The following SPHKAP variants were observed in gnomAD, a reference collection of about 807,000 sequenced individuals.
The protein encoded by SPHKAP is A-kinase anchor protein SPHKAP.
SPHKAP carries 67 observed loss-of-function variants against 137.5 expected under a neutral mutation model. That is an observed-to-expected ratio of 0.49 (90% CI 0.40 to 0.60). The LOEUF is 0.60. SPHKAP is among the 20% of genes least tolerant of loss of function. The probability of loss-of-function intolerance (pLI) is 0.00; values close to 1 mark genes in which losing one functional copy is unlikely to be tolerated. For synonymous variants in SPHKAP, 813 were observed against 785.3 expected, an observed-to-expected ratio of 1.04 and a Z score of -0.59; for missense variants, 2,097 against 2,069.3, an observed-to-expected ratio of 1.01 and a Z score of -0.26.
chr2:228,029,805 T>G (rs13389645), intron 3 of SPHKAP, among the ~76,000 whole-genome samples: 1 of 152,194 alleles, frequency 6.6e-6, no homozygotes, highest in Non-Finnish European at 1.5e-5. Context: ...CAGCTGGCAC[T>G]GGTGGTATTG....
At chr2:228,119,972 C>A (rs896037952) in intron 2 of SPHKAP, among the ~76,000 whole-genome samples, 1 of 151,944 alleles carries the variant, frequency 6.6e-6, no homozygotes, top group African/African-American at 2.4e-5. Context: ...TGCATTATAC[C>A]ATTGACACCT....
chr2:228,008,900 G>T (rs965948592), intron 7 of SPHKAP, among the ~76,000 whole-genome samples: 4 of 152,196 alleles, frequency 2.6e-5, no homozygotes, highest in African/African-American at 9.6e-5. Context: ...CATCATGTCA[G>T]GTAGTCTCAA....
chr2:228,172,753 C>A (rs1700622079), intron 1 of SPHKAP, among the ~76,000 whole-genome samples: 1 of 152,186 alleles, frequency 6.6e-6, no homozygotes, highest in South Asian at 2.1e-4. Context: ...TCCAATTCAA[C>A]CTCATTCTGA....
At chr2:227,990,145 C>T (rs1334986188) in intron 11 of SPHKAP, among the ~76,000 whole-genome samples, 1 of 152,202 alleles carries the variant, frequency 6.6e-6, no homozygotes, top group Non-Finnish European at 1.5e-5. Flanking sequence ...GACTCTTTCT[C>T]TTCCCCGGAA....
In SPHKAP at chr2:228,050,829, C is replaced by T. The variant is rs973849886; in HGVS notation, c.247-23286G>A. Among the ~76,000 whole-genome samples, 11 of 152,084 alleles carry T rather than the reference C, an allele frequency of 7.2e-5. No homozygotes were observed. In the East Asian group the frequency reaches 2.1e-3, roughly 29 times the overall value. Reference sequence around the variant, plus strand: ...CTTTATTTATTTATTTATTTTGAGACAGGGTCTGACTCTGTTGCCCAGGCT... The same window carrying T: ...CTTTATTTATTTATTTATTTTGAGATAGGGTCTGACTCTGTTGCCCAGGCT... On this transcript the variant is annotated intron_variant, in intron 3 of 11. Transcript: ENST00000392056.
intron 1 of SPHKAP, among the ~76,000 whole-genome samples, chr2:228,177,439 T>C (rs1038739411): frequency 6.6e-6 from 1 of 152,178 alleles, no homozygotes; most frequent in Non-Finnish European, 1.5e-5. Flanking sequence ...AGACAGAGAA[T>C]GAAGTTAAGT....
At chr2:228,065,378 A>G (rs1488066020) in intron 3 of SPHKAP, among the ~76,000 whole-genome samples, 1 of 152,334 alleles carries the variant, frequency 6.6e-6, no homozygotes, top group African/African-American at 2.4e-5. Context: ...AGGTCAAGTA[A>G]GGCAAGGATT....
chr2:228,084,949 A>G (rs920829736), intron 3 of SPHKAP, among the ~76,000 whole-genome samples: 4 of 152,230 alleles, frequency 2.6e-5, no homozygotes, highest in Non-Finnish European at 5.9e-5. Context: ...AGATAAACCA[A>G]AAATACACCT....
intron 3 of SPHKAP, among the ~76,000 whole-genome samples, chr2:228,108,441 G>C (rs978754609): frequency 6.6e-6 from 1 of 152,062 alleles, no homozygotes; most frequent in Non-Finnish European, 1.5e-5. Flanking sequence ...ATATAAGAAT[G>C]ATGGAACATT....
rs559565201 is a variant in SPHKAP, at chr2:228,140,167, G to A, written c.33-8082C>T. 1.5e-4 allele frequency among the ~76,000 whole-genome samples: 23 copies of A among 151,344 alleles called. No homozygotes were observed. The East Asian group carries it at 2.7e-3, about 18-fold the overall frequency. On this transcript the variant is annotated intron_variant, in intron 1 of 11. Coordinates refer to ENST00000392056, the MANE Select transcript of SPHKAP (RefSeq NM_001142644.2). Reference sequence around the variant, plus strand: ...TCACCATGTTGGCCAGGCTGGTCTCGATCTCCTGACCTCAGGTGATGTGCC... The same window carrying A: ...TCACCATGTTGGCCAGGCTGGTCTCAATCTCCTGACCTCAGGTGATGTGCC...
At chr2:228,107,070 TC>T (rs1698363971) in intron 3 of SPHKAP, among the ~76,000 whole-genome samples, 1 of 73,060 alleles carries the variant, frequency 1.4e-5, no homozygotes, top group Admixed American at 1.8e-4. Context: ...CACGTAGTTA[TC>T]ATTTTTTTTT....
At chr2:228,003,756 A>G (rs1283705492) in intron 7 of SPHKAP, among the ~76,000 whole-genome samples, 1 of 152,212 alleles carries the variant, frequency 6.6e-6, no homozygotes, top group Non-Finnish European at 1.5e-5. Context: ...TAATTTATTG[A>G]GAGTTTTTAG....
Position 228,019,040 on chromosome 2 carries a change from A to G in SPHKAP, c.1814T>C (p.Leu605Ser), listed in dbSNP as rs1457582040. ...ASEAMPPLCG[L>S]ASMELGKEAI... Reference sequence around the variant, plus strand: ...TTCCTTGCCAAGCTCCATGCTTGCTAAACCACAAAGTGGGGGCATGGCTTC... The same window carrying G: ...TTCCTTGCCAAGCTCCATGCTTGCTGAACCACAAAGTGGGGGCATGGCTTC... Residue 605 changes from leucine (L) to serine (S), a missense_variant, in exon 7 of 12, where the codon TTA (leucine) becomes TCA (serine). Physicochemically the swap from Leu to Ser is moderately radical, Grantham distance 145. Transcript: ENST00000392056. 6 of 1,614,006 alleles carry G rather than the reference A, an allele frequency of 3.7e-6. No homozygotes were observed. In the Admixed American group the frequency reaches 1.0e-4, roughly 27 times the overall value.
chr2:227,980,058 A>G lies in SPHKAP; in HGVS notation c.*1659T>C, dbSNP rs1312486134. 1.3e-5 allele frequency: 2 copies of G among 152,596 alleles called. No homozygotes were observed. Among genetic ancestry groups the G allele is most frequent in the African/African-American group, 2.4e-5 (1 of 41,436 alleles). The allele number at this position is 152,596 out of a possible 1,614,324, so 9.5% of individuals were successfully genotyped here. The stretch of plus-strand genomic sequence containing the variant: ...TATTTGAGCTTTGTAAGATAAGTAA[A>G]CATTTATTTGAGCACAACAAAAGTC... On this transcript the variant is annotated 3_prime_UTR_variant, in exon 12 of 12. Coordinates refer to ENST00000392056, the MANE Select transcript of SPHKAP (RefSeq NM_001142644.2).
chr2:228,092,638 G>GTATTATA (rs986186525), intron 3 of SPHKAP, among the ~76,000 whole-genome samples: 5 of 146,018 alleles, frequency 3.4e-5, no homozygotes, highest in Non-Finnish European at 7.5e-5. Context: ...TATATTATAT[G>GTATTATA]TGTATATATG....
chr2:227,986,317 GA>G (rs1693206976), intron 11 of SPHKAP, among the ~76,000 whole-genome samples: 1 of 152,096 alleles, frequency 6.6e-6, no homozygotes, highest in South Asian at 2.1e-4. Flanking sequence ...AGTAACTCAG[GA>G]ATGGAAAACC....
intron 2 of SPHKAP, among the ~76,000 whole-genome samples, chr2:228,114,448 T>C (rs560058951): frequency 1.3e-5 from 2 of 152,080 alleles, no homozygotes; most frequent in Non-Finnish European, 2.9e-5. Context: ...TCTTGGAGGT[T>C]TGGAGGCAGA....
In SPHKAP at chr2:228,034,112, AC is replaced by A. The variant is rs1271767785; in HGVS notation, c.247-6570del. 2.0e-5 allele frequency among the ~76,000 whole-genome samples: 3 copies of A among 152,316 alleles called. No individual in the cohort carries two copies. The East Asian group carries it at 5.8e-4, about 29-fold the overall frequency. On this transcript the variant is annotated intron_variant, in intron 3 of 11. Transcript: ENST00000392056. ...AGGAGCTGGTTTTTTGAAAAGATCAACAAAATTGATAGACCGCTAGCAAGAC... is the reference window on the plus strand; with the variant it reads ...AGGAGCTGGTTTTTTGAAAAGATCAAAAAATTGATAGACCGCTAGCAAGAC...
intron 3 of SPHKAP, among the ~76,000 whole-genome samples, chr2:228,073,915 T>A (rs919973795): frequency 6.6e-5 from 10 of 152,166 alleles, no homozygotes; most frequent in African/African-American, 2.4e-4. Flanking sequence ...TGTCACAGTG[T>A]CATGGGGAGG....
Sources: gnomAD v4.1 joint callset for allele counts (sites outside exome capture counted in the v4.1 genomes callset) on GRCh38, gnomAD v4.1.1 for gene constraint, MANE v1.5 for transcripts, NCBI Gene and HGNC (gene_info 2026-07-23, HGNC 2026-07-21) for gene names.